VRTN: variants seen among roughly 807,000 people sequenced by gnomAD.
VRTN encodes the protein vertnin.
In VRTN, 5 loss-of-function variants were observed where a neutral mutation model predicts 18.2. That is an observed-to-expected ratio of 0.27 (90% CI 0.14 to 0.58). The LOEUF (loss-of-function observed/expected upper bound fraction) is 0.58, where lower values mean the gene tolerates loss of function less well. Among genes scored for constraint, VRTN ranks in the 20% least tolerant of loss-of-function variants. The pLI is 0.91. For synonymous variants in VRTN, 381 were observed against 393.7 expected (o/e 0.97, Z 0.38); for missense variants, 741 against 939.4 (o/e 0.79, Z 2.76).
intron 1 of VRTN, among the ~76,000 whole-genome samples, chr14:74,322,241 T>G (rs1567039969): frequency 6.6e-6 from 1 of 151,922 alleles, no homozygotes. Context: ...TCTTGCCTCC[T>G]GGAGCTCAAG....
intron 1 of VRTN, among the ~76,000 whole-genome samples, chr14:74,336,108 T>C (rs1337298612): frequency 6.6e-6 from 1 of 151,490 alleles, no homozygotes; most frequent in South Asian, 2.1e-4. Context: ...AAAACTGAAG[T>C]GTGCAAAGTA....
chr14:74,321,366 T>C (rs28525463), intron 1 of VRTN, among the ~76,000 whole-genome samples: 8,096 of 152,228 alleles, frequency 0.053, 434 homozygotes, highest in African/African-American at 0.13. Context: ...ATCATCCCGA[T>C]TTCACAGAAC....
intron 1 of VRTN, among the ~76,000 whole-genome samples, chr14:74,309,297 T>C (rs1220872362): frequency 1.3e-5 from 2 of 152,206 alleles, no homozygotes; most frequent in Non-Finnish European, 2.9e-5. Context: ...ATGTCTGTTG[T>C]GTTCACACTA....
rs1388463597 is a variant in VRTN, at chr14:74,359,578, C to T, written c.*686C>T. ...CTGATCAGCAGCTTGTGCCTGGCAT[C>T]CCCAAGGGAGAAGGTGCCAGGTCAG... On this transcript the variant is annotated 3_prime_UTR_variant, in exon 2 of 2. Transcript: ENST00000256362. 2 of 167,094 alleles carry T rather than the reference C, an allele frequency of 1.2e-5. No individual in the cohort carries two copies. The highest frequency in any genetic ancestry group is 2.9e-5 in the Non-Finnish European group (2 of 68,228). The allele number at this position is 167,094 out of a possible 1,614,324, so 10.4% of individuals were successfully genotyped here. A position where few individuals can be genotyped will look rare whatever the true frequency, so the allele number is the denominator to read the frequency against.
At chr14:74,321,764 A>G (rs2085457302) in intron 1 of VRTN, among the ~76,000 whole-genome samples, 1 of 151,976 alleles carries the variant, frequency 6.6e-6, no homozygotes, top group African/African-American at 2.4e-5. Flanking sequence ...TCAGCCTCCC[A>G]AAATGTTGGG....
At chr14:74,333,011 G>C (rs571763437) in intron 1 of VRTN, among the ~76,000 whole-genome samples, 37 of 152,292 alleles carry the variant, frequency 2.4e-4, no homozygotes, top group Non-Finnish European at 4.0e-4. Flanking sequence ...TCCCAAGCTA[G>C]ATTTCTTTGA....
At chr14:74,346,344 A>T (rs1041485226), upstream of VRTN, among the ~76,000 whole-genome samples, 1 of 152,166 alleles carries the variant, frequency 6.6e-6, no homozygotes, top group Non-Finnish European at 1.5e-5. Flanking sequence ...GCACAGCAAA[A>T]GGACTGGCAG....
At chr14:74,329,899 G>A (rs2085511103) in intron 1 of VRTN, among the ~76,000 whole-genome samples, 1 of 141,924 alleles carries the variant, frequency 7.0e-6, no homozygotes, top group Non-Finnish European at 1.5e-5. Context: ...TTGAAACAGA[G>A]TCTTGCTGTA....
intron 1 of VRTN, among the ~76,000 whole-genome samples, chr14:74,307,177 C>G (rs1026352007): frequency 9.4e-6 from 1 of 106,776 alleles, no homozygotes; most frequent in South Asian, 3.3e-4. Context: ...GAGTTTCACT[C>G]TTGTTGCCCA....
chr14:74,354,904 A>G (rs1207737692), intron 1 of VRTN, among the ~76,000 whole-genome samples: 1 of 151,796 alleles, frequency 6.6e-6, no homozygotes, highest in Admixed American at 6.6e-5. Flanking sequence ...CACTTTGGGA[A>G]CCTGAGGCGG....
At chr14:74,306,895 C>A (rs1364499942) in intron 1 of VRTN, among the ~76,000 whole-genome samples, 1 of 151,814 alleles carries the variant, frequency 6.6e-6, no homozygotes, top group Non-Finnish European at 1.5e-5. Context: ...GCGGAGCCAC[C>A]GCTCCTGGCC....
In VRTN at chr14:74,358,044, T is replaced by TATC; in HGVS notation, c.1262_1264dup (p.Tyr421_Arg422insHis). ...CATCTCCCTGAACACACTGGTACCC[T>TATC]ATCGCTGCTTCAAACGCAGGTTCCC... On this transcript the variant is annotated inframe_insertion, in exon 2 of 2. Transcript: ENST00000256362. The surrounding 1 kb of genome is among the most constrained non-coding windows in gnomAD (Gnocchi z 5.4). 1 of 1,614,238 alleles carries TATC rather than the reference T, an allele frequency of 6.2e-7. No homozygotes were observed. The highest frequency in any genetic ancestry group is 8.5e-7 in the Non-Finnish European group (1 of 1,180,032).
intron 1 of VRTN, among the ~76,000 whole-genome samples, chr14:74,326,450 T>C (rs573529127): frequency 6.5e-4 from 99 of 152,212 alleles, no homozygotes; most frequent in Non-Finnish European, 1.1e-3. Context: ...CTGGCTTGAA[T>C]GTTCACAGCC....
intron 1 of VRTN, among the ~76,000 whole-genome samples, chr14:74,325,077 T>C (rs1447271577): frequency 6.6e-6 from 1 of 151,896 alleles, no homozygotes; most frequent in Admixed American, 6.6e-5. Flanking sequence ...ACTACAGGAT[T>C]CAGTCAAACA....
intron 1 of VRTN, among the ~76,000 whole-genome samples, chr14:74,315,198 G>A (rs2085412376): frequency 6.6e-6 from 1 of 152,154 alleles, no homozygotes; most frequent in Admixed American, 6.6e-5. Context: ...CAGTATTAAG[G>A]AGATGGCAGT....
At chr14:74,345,925 CAAAA>C (rs754493021), upstream of VRTN, among the ~76,000 whole-genome samples, 3 of 65,598 alleles carry the variant, frequency 4.6e-5, no homozygotes, top group Non-Finnish European at 6.6e-5. Flanking sequence ...ACTCCATCTC[CAAAA>C]AAAAAAAAAA....
At chr14:74,344,117 T>C (rs1374236053), upstream of VRTN, among the ~76,000 whole-genome samples, 1 of 150,664 alleles carries the variant, frequency 6.6e-6, no homozygotes, top group Admixed American at 6.7e-5. Flanking sequence ...CTTTAAAAAA[T>C]GTGTTTACCG....
intron 2 of VRTN, among the ~76,000 whole-genome samples, chr14:74,339,198 C>T (rs1387817502): frequency 6.6e-6 from 1 of 152,090 alleles, no homozygotes; most frequent in Non-Finnish European, 1.5e-5. Flanking sequence ...GTATTATTTC[C>T]TCAGGGCCAA....
chr14:74,345,100 T>G (rs2085635115), upstream of VRTN, among the ~76,000 whole-genome samples: 1 of 152,176 alleles, frequency 6.6e-6, no homozygotes, highest in African/African-American at 2.4e-5. Context: ...CAAGCTGAAG[T>G]GCAGTGGTAC....
Sources: allele counts gnomAD v4.1 joint callset (sites outside exome capture counted in the v4.1 genomes callset), GRCh38; gene constraint gnomAD v4.1.1; non-coding constraint Gnocchi (gnomAD v3.1); transcripts MANE v1.5; gene names NCBI Gene and HGNC (gene_info 2026-07-23, HGNC 2026-07-21).